Variants in FBLN5 observed in about 807,000 individuals in gnomAD.
FBLN5 encodes the protein fibulin-5.
Under a neutral mutation model 61.6 loss-of-function variants are expected in FBLN5, and 24 were observed. The observed-to-expected ratio is 0.39, with a 90% CI of 0.28 to 0.55. The LOEUF is 0.55. FBLN5 is among the 20% of genes least tolerant of loss of function. The pLI, the probability that FBLN5 is intolerant of heterozygous loss-of-function variation, is 0.65. For synonymous variants in FBLN5, 213 were observed against 219.8 expected (o/e 0.97, Z 0.27); for missense variants, 470 against 594.1 (o/e 0.79, Z 2.17).
At chr14:91,901,940 T>C (rs184520628) in intron 4 of FBLN5, among the ~76,000 whole-genome samples, 60 of 152,366 alleles carry the variant, frequency 3.9e-4, no homozygotes, top group African/African-American at 1.3e-3. Context: ...TCTCTTTCTC[T>C]ATCCCTAAAG....
In FBLN5 at chr14:91,875,193, A is replaced by C. The variant is rs573806037; in HGVS notation, c.1185+2294T>G. Among the ~76,000 whole-genome samples the C allele has an allele frequency of 7.9e-5, 12 of 152,320 alleles. No homozygotes were observed. The South Asian group carries it at 1.7e-3, about 21-fold the overall frequency. ...CTCAATCAAGAGGGGTTTTCAAAAA[A>C]AGAAAAACTGTTTAGAGATGCAGGC... On this transcript the variant is annotated intron_variant, in intron 10 of 10. Transcript: ENST00000342058.
At chr14:91,905,033 T>C (rs921445025) in intron 4 of FBLN5, among the ~76,000 whole-genome samples, 2 of 152,216 alleles carry the variant, frequency 1.3e-5, no homozygotes, top group Middle Eastern at 3.2e-3. Context: ...CCAGGAAATC[T>C]ATTTTTCAAG....
intron 4 of FBLN5, among the ~76,000 whole-genome samples, chr14:91,925,313 C>T (rs954269893): frequency 4.6e-5 from 7 of 152,122 alleles, no homozygotes; most frequent in African/African-American, 1.2e-4. Flanking sequence ...GGCCCGGCTC[C>T]GACAAGCTGG....
Position 91,870,293 on chromosome 14 carries a change from G to A in FBLN5, c.1278C>T (p.Asn426=). The change falls in exon 11 of 11, where the codon AAC becomes AAT. Residue 426 remains asparagine, a synonymous_variant. Transcript: ENST00000342058. ...AGCTGCCTCTGAAGTTGATGACAGT[G>A]TTGACAGTGATCATTTCCAAGTCCA... ...IQLDLEMITV[N]TVINFRGSSV... The A allele has an allele frequency of 3.1e-6, 5 of 1,614,134 alleles. No homozygotes were observed. The highest frequency in any genetic ancestry group is 4.2e-6 in the Non-Finnish European group (5 of 1,179,944).
rs7149187 is a variant in FBLN5, at chr14:91,947,643, G to A, written c.-414C>T. The A allele has an allele frequency of 0.28, 51,245 of 183,494 alleles. 7,381 individuals carry two copies. The highest frequency in any genetic ancestry group is 0.38 in the South Asian group (3,032 of 7,936). 11.4% of individuals were successfully genotyped at this position (183,494 alleles called of 1,614,324 possible). ...GCCAGGGCCCAGTGCTCGGCGCTGG[G>A]AGGAGAGCCCTTCCCCGGCCGCGCT... On this transcript the variant is annotated 5_prime_UTR_variant, in exon 1 of 11. Transcript: ENST00000342058. The surrounding 1 kb of genome is among the most constrained non-coding windows in gnomAD (Gnocchi z 4.3).
rs892140086 is a variant in FBLN5, at chr14:91,894,417, AAAAAAAAAAAC to A, written c.502+522_502+532del. ...GACACCATATCAAAAAAAAAAAAAAAAAAAAAAAAACCGAAAAAAACCATTCAAGGCCGTGC... is the reference window on the plus strand; with the variant it reads ...GACACCATATCAAAAAAAAAAAAAAACGAAAAAAACCATTCAAGGCCGTGC... On this transcript the variant is annotated intron_variant, in intron 5 of 10. Coordinates refer to ENST00000342058, the MANE Select transcript of FBLN5 (RefSeq NM_006329.4). Among the ~76,000 whole-genome samples, 58 of 148,072 alleles carry A rather than the reference AAAAAAAAAAAC, an allele frequency of 3.9e-4. 1 individual carries two copies. The East Asian group carries it at 9.0e-3, about 23-fold the overall frequency.
chr14:91,911,204 C>A (rs1890915656), intron 4 of FBLN5, among the ~76,000 whole-genome samples: 1 of 152,244 alleles, frequency 6.6e-6, no homozygotes, highest in African/African-American at 2.4e-5. Context: ...AGGCTGGTCA[C>A]AAACTCCAGA....
rs776170463 is a variant in FBLN5 at position 91,882,916 on chromosome 14, C to CACAT, written c.862+34_862+37dup. The CACAT allele has an allele frequency of 1.2e-6, 2 of 1,610,842 alleles. No homozygotes were observed. The highest frequency in any genetic ancestry group is 1.7e-6 in the Non-Finnish European group (2 of 1,178,100). The stretch of plus-strand genomic sequence containing the variant: ...GAGCCCCTGAAGCAGCTCCACCTCA[C>CACAT]ACATACACCCCAGCCAGGCCCCTCC... On this transcript the variant is annotated intron_variant, in intron 8 of 10. Coordinates refer to ENST00000342058, the MANE Select transcript of FBLN5 (RefSeq NM_006329.4). This position sits in a 1 kb window ranked among gnomAD's most constrained non-coding sequence, Gnocchi z 4.9.
At chr14:91,923,100 T>A (rs2055769517) in intron 4 of FBLN5, among the ~76,000 whole-genome samples, 1 of 152,156 alleles carries the variant, frequency 6.6e-6, no homozygotes, top group Admixed American at 6.5e-5. Flanking sequence ...CATCTTTGCA[T>A]CCTGAGTGGT....
chr14:91,879,980 G>A (rs1306752390), intron 9 of FBLN5, among the ~76,000 whole-genome samples: 2 of 152,170 alleles, frequency 1.3e-5, no homozygotes, highest in Non-Finnish European at 2.9e-5. Flanking sequence ...TAAAAGAGAA[G>A]GAAAAGGAAC....
intron 4 of FBLN5, among the ~76,000 whole-genome samples, chr14:91,895,598 A>C (rs1890188960): frequency 6.6e-6 from 1 of 151,986 alleles, no homozygotes; most frequent in South Asian, 2.1e-4. Flanking sequence ...CAGGAGTTCA[A>C]GACGAGCTCA....
At chr14:91,888,697 G>A (rs1889847014) in intron 6 of FBLN5, among the ~76,000 whole-genome samples, 1 of 151,728 alleles carries the variant, frequency 6.6e-6, no homozygotes, top group South Asian at 2.1e-4. Context: ...AAGATTGAGA[G>A]GTGTACCCAA....
intron 4 of FBLN5, among the ~76,000 whole-genome samples, chr14:91,924,072 C>A (rs764638652): frequency 6.6e-6 from 1 of 152,196 alleles, no homozygotes; most frequent in Non-Finnish European, 1.5e-5. Flanking sequence ...ATAAATTATG[C>A]CTAGTGTTCC....
At chr14:91,925,044 T>C (rs2055804835) in intron 4 of FBLN5, among the ~76,000 whole-genome samples, 1 of 152,250 alleles carries the variant, frequency 6.6e-6, no homozygotes, top group Admixed American at 6.5e-5. Flanking sequence ...AATTTCATAC[T>C]GATTCCGGAT....
At chr14:91,934,606 A>G (rs1182060483) in intron 4 of FBLN5, among the ~76,000 whole-genome samples, 1 of 152,180 alleles carries the variant, frequency 6.6e-6, no homozygotes, top group Non-Finnish European at 1.5e-5. Flanking sequence ...CTAGAACACT[A>G]AAGTTTCAGA....
At chr14:91,920,263 G>T (rs910118337) in intron 4 of FBLN5, among the ~76,000 whole-genome samples, 3 of 152,174 alleles carry the variant, frequency 2.0e-5, no homozygotes, top group Non-Finnish European at 2.9e-5. Flanking sequence ...TCTTTGGAAA[G>T]AGATGATGCT....
At position 91,943,267 on chromosome 14, in the gene FBLN5, G is replaced by C. The variant is rs565498084; in HGVS notation, c.18-306C>G. ...CTTACGCTTGTAATCCCAGCACTTT[G>C]AGAGGCTGAGGCAAGAGGATTGCTT... On this transcript the variant is annotated intron_variant, in intron 1 of 10. Transcript: ENST00000342058. This position sits in a 1 kb window ranked among gnomAD's most constrained non-coding sequence, Gnocchi z 4.0. 4.5e-4 allele frequency among the ~76,000 whole-genome samples: 69 copies of C among 152,216 alleles called. No individual in the cohort carries two copies. In the South Asian group the frequency reaches 8.1e-3, roughly 18 times the overall value.
At chr14:91,906,852 T>C (rs1890704896) in intron 4 of FBLN5, among the ~76,000 whole-genome samples, 1 of 152,172 alleles carries the variant, frequency 6.6e-6, no homozygotes, top group Non-Finnish European at 1.5e-5. Context: ...GCTATACCAG[T>C]GCGGCAACAC....
chr14:91,878,816 A>C (rs1443103186), intron 9 of FBLN5, among the ~76,000 whole-genome samples: 1 of 152,176 alleles, frequency 6.6e-6, no homozygotes, highest in Non-Finnish European at 1.5e-5. Flanking sequence ...ATTTCCATTC[A>C]TTCTGAGCAG....
Sources: allele counts gnomAD v4.1 joint callset (sites outside exome capture counted in the v4.1 genomes callset), GRCh38; gene constraint gnomAD v4.1.1; non-coding constraint Gnocchi (gnomAD v3.1); transcripts MANE v1.5; gene names NCBI Gene and HGNC (gene_info 2026-07-23, HGNC 2026-07-21).